The following MACROD2 variants were observed in gnomAD, a reference collection of about 807,000 sequenced individuals.
MACROD2 encodes the protein mono-ADP ribosylhydrolase 2.
Under a neutral mutation model 70.4 loss-of-function variants are expected in MACROD2, and 36 were observed. The ratio of observed to expected loss-of-function variants is 0.51; its 90% CI spans 0.39 to 0.68. MACROD2 has a LOEUF of 0.68. Ranked by LOEUF, MACROD2 falls within the 30% of genes least tolerant of loss-of-function variation. MACROD2 has a pLI of 0.00. For synonymous variants in MACROD2, 172 were observed against 178.8 expected (o/e 0.96, Z 0.30); for missense variants, 496 against 538.4 (o/e 0.92, Z 0.78).
intron 5 of MACROD2, chr20:14,892,609 C>T (rs1048218454): frequency 1.3e-5 from 2 of 152,138 alleles, no homozygotes; most frequent in African/African-American, 4.8e-5. Context: ...ACTATATTCA[C>T]GTTGTTATGC....
rs199558871 is a variant in MACROD2 at position 14,255,683 on chromosome 20, TAATAAATAAATA to T, written c.271+169986_271+169997del. Among the ~76,000 whole-genome samples the T allele has an allele frequency of 9.6e-4, 131 of 136,936 alleles. 1 individual carries two copies. The South Asian group carries it at 0.02, about 20-fold the overall frequency. 89.8% of individuals were successfully genotyped at this position (136,936 alleles called of 152,430 possible). A position where few individuals can be genotyped will look rare whatever the true frequency, so the allele number is the denominator to read the frequency against. ...ACATGTACCCTAATACTTAAAAGTATAATAAATAAATAAATAAATAAATAAATAAATAAATAA... is the reference window on the plus strand; with the variant it reads ...ACATGTACCCTAATACTTAAAAGTATAATAAATAAATAAATAAATAAATAA... On this transcript the variant is annotated intron_variant, in intron 3 of 17. Coordinates refer to ENST00000684519, the MANE Select transcript of MACROD2 (RefSeq NM_001351661.2).
intron 8 of MACROD2, among the ~76,000 whole-genome samples, chr20:15,848,487 A>G (rs1427052854): frequency 6.6e-6 from 1 of 152,182 alleles, no homozygotes; most frequent in Non-Finnish European, 1.5e-5. Context: ...ACAAAACCCA[A>G]ATTTAAATAA....
intron 8 of MACROD2, among the ~76,000 whole-genome samples, chr20:15,795,113 G>A (rs879644280): frequency 6.6e-6 from 1 of 151,990 alleles, no homozygotes; most frequent in Admixed American, 6.6e-5. Context: ...TGTGAATAGT[G>A]CCCCCAGGGA....
At chr20:15,944,480 T>A (rs557067409) in intron 12 of MACROD2, among the ~76,000 whole-genome samples, 1 of 152,248 alleles carries the variant, frequency 6.6e-6, no homozygotes, top group South Asian at 2.1e-4. Context: ...AACAGTACAT[T>A]GTAAAATTCT....
At chr20:15,192,638 G>T (rs970838960) in intron 5 of MACROD2, among the ~76,000 whole-genome samples, 1 of 152,136 alleles carries the variant, frequency 6.6e-6, no homozygotes, top group Non-Finnish European at 1.5e-5. Flanking sequence ...AATTATTAGT[G>T]ACATACATCC....
At chr20:14,835,317 T>C (rs948253627) in intron 5 of MACROD2, among the ~76,000 whole-genome samples, 7 of 152,180 alleles carry the variant, frequency 4.6e-5, no homozygotes, top group Middle Eastern at 3.4e-3. Flanking sequence ...TGAAAGAACA[T>C]GTGAAATATC....
chr20:15,887,650 T>C (rs1445257867), intron 10 of MACROD2, among the ~76,000 whole-genome samples: 1 of 152,170 alleles, frequency 6.6e-6, no homozygotes, highest in African/African-American at 2.4e-5. Context: ...TCATGTTCTA[T>C]TCTAATGCTG....
chr20:14,198,963 CT>C (rs2081456459), intron 3 of MACROD2, among the ~76,000 whole-genome samples: 1 of 152,066 alleles, frequency 6.6e-6, no homozygotes, highest in Admixed American at 6.6e-5. Flanking sequence ...CTCTTACCTT[CT>C]CGCCTTTTCT....
chr20:15,765,181 T>C (rs908558364), intron 8 of MACROD2, among the ~76,000 whole-genome samples: 2 of 152,176 alleles, frequency 1.3e-5, no homozygotes, highest in African/African-American at 4.8e-5. Flanking sequence ...CAACCTGCTA[T>C]CCATTGACAG....
At chr20:15,016,319 C>A (rs892347646) in intron 5 of MACROD2, among the ~76,000 whole-genome samples, 1 of 152,192 alleles carries the variant, frequency 6.6e-6, no homozygotes, top group East Asian at 1.9e-4. Context: ...ACTTCAAAGT[C>A]CCTTCTTTCT....
intron 6 of MACROD2, among the ~76,000 whole-genome samples, chr20:15,424,968 G>C (rs1411036942): frequency 6.6e-6 from 1 of 152,196 alleles, no homozygotes; most frequent in Non-Finnish European, 1.5e-5. Flanking sequence ...GGCCGCCTGA[G>C]GAGGAGGTAT....
At chr20:14,714,773 A>C (rs573639739) in intron 5 of MACROD2, among the ~76,000 whole-genome samples, 5 of 152,314 alleles carry the variant, frequency 3.3e-5, no homozygotes, top group Middle Eastern at 3.4e-3. Context: ...TGACTAGGTC[A>C]GATCCCCTTA....
chr20:14,480,171 C>T (rs1157738160), intron 3 of MACROD2, among the ~76,000 whole-genome samples: 1 of 152,110 alleles, frequency 6.6e-6, no homozygotes, highest in Non-Finnish European at 1.5e-5. Flanking sequence ...CACACCTGGC[C>T]TATAGTTATA....
chr20:14,566,558 A>G (rs1015800148), intron 4 of MACROD2: 1 of 151,904 alleles, frequency 6.6e-6, no homozygotes, highest in African/African-American at 2.4e-5. Flanking sequence ...ACATTTTTCA[A>G]CCGTAAGATG....
intron 8 of MACROD2, among the ~76,000 whole-genome samples, chr20:15,592,768 T>A (rs902212832): frequency 6.6e-6 from 1 of 152,226 alleles, no homozygotes; most frequent in African/African-American, 2.4e-5. Flanking sequence ...TCTTCATTAT[T>A]TGCAATCTCA....
intron 3 of MACROD2, among the ~76,000 whole-genome samples, chr20:14,318,238 C>A (rs890328973): frequency 6.6e-6 from 1 of 152,150 alleles, no homozygotes; most frequent in Non-Finnish European, 1.5e-5. Context: ...ATCCTCCCTC[C>A]ACTCCAGCCA....
chr20:14,652,016 G>A (rs2123512382), intron 4 of MACROD2, among the ~76,000 whole-genome samples: 1 of 152,182 alleles, frequency 6.6e-6, no homozygotes, highest in African/African-American at 2.4e-5. Context: ...GTTGTAGTTT[G>A]AAAAGCCATA....
intron 8 of MACROD2, among the ~76,000 whole-genome samples, chr20:15,794,666 A>G (rs543651756): frequency 6.6e-6 from 1 of 152,304 alleles, no homozygotes; most frequent in East Asian, 1.9e-4. Flanking sequence ...TGATAGAACA[A>G]GGTTAATACT....
intron 7 of MACROD2, among the ~76,000 whole-genome samples, chr20:15,483,218 C>G (rs2047122244): frequency 6.6e-6 from 1 of 152,028 alleles, no homozygotes; most frequent in Non-Finnish European, 1.5e-5. Context: ...CTATTATTAA[C>G]TTTGAATTAT....
Sources: gnomAD v4.1 joint callset for allele counts (sites outside exome capture counted in the v4.1 genomes callset) on GRCh38, gnomAD v4.1.1 for gene constraint, MANE v1.5 for transcripts, NCBI Gene and HGNC (gene_info 2026-07-23, HGNC 2026-07-21) for gene names.